The following ZFHX3 variants were observed in gnomAD, a reference collection of about 807,000 sequenced individuals.
ZFHX3 encodes the protein zinc finger homeobox 3.
ZFHX3 carries 42 observed loss-of-function variants against 279.1 expected under a neutral mutation model. The observed-to-expected ratio is 0.15, with a 90% confidence interval of 0.12 to 0.19. ZFHX3 has a LOEUF of 0.19. ZFHX3 is among the 10% of genes least tolerant of loss of function. The pLI is 1.00. For missense variants in ZFHX3, 4,981 were observed against 4,754.0 expected (o/e 1.05, Z -1.40); for synonymous variants, 2,293 against 1,957.8 (o/e 1.17, Z -4.52).
Position 72,928,218 on chromosome 16 carries a change from G to GAC in ZFHX3, c.3216+22250_3216+22251insGT, listed in dbSNP as rs541840316. ...GAGGGGAGCGAGGGGGAGCGAAGGG[G>GAC]AGCGAGGGGGAGCGAGAGAGGAAAG... is the stretch of plus-strand genomic sequence containing the variant. On this transcript the variant is annotated intron_variant, in intron 3 of 9. Coordinates refer to ENST00000268489, the MANE Select transcript of ZFHX3 (RefSeq NM_006885.4). 2.9e-4 allele frequency among the ~76,000 whole-genome samples: 18 copies of GAC among 62,572 alleles called. 2 individuals carry two copies. The East Asian group carries it at 3.6e-3, about 13-fold the overall frequency. The allele number at this position is 62,572 out of a possible 152,430, so 41.0% of individuals were successfully genotyped here. A position where few individuals can be genotyped will look rare whatever the true frequency, so the allele number is the denominator to read the frequency against.
chr16:73,701,288 GC>G (rs2053244139), intron 1 of ZFHX3, among the ~76,000 whole-genome samples: 1 of 152,160 alleles, frequency 6.6e-6, no homozygotes, highest in Admixed American at 6.5e-5. Flanking sequence ...AATTTCAGTA[GC>G]TTTTAAGCAA....
At chr16:73,546,261 A>G (rs566248798) in intron 2 of ZFHX3, among the ~76,000 whole-genome samples, 1 of 152,072 alleles carries the variant, frequency 6.6e-6, no homozygotes, top group Non-Finnish European at 1.5e-5. Flanking sequence ...ACAGAACCCA[A>G]ATCATTTTTC....
In ZFHX3 at chr16:73,720,064, G is replaced by C. The variant is rs180889011; in HGVS notation, c.-1607-39824C>G. On this transcript the variant is annotated intron_variant, in intron 1 of 17. Coordinates refer to the ZFHX3 transcript ENST00000641206. ...TCTCAACAAAATAAGGTTCACAAAGGAGAAATATAATGGACCAATAAGTAC... is the reference window on the plus strand; with the variant it reads ...TCTCAACAAAATAAGGTTCACAAAGCAGAAATATAATGGACCAATAAGTAC... Among the ~76,000 whole-genome samples, 43 of 152,292 alleles carry C rather than the reference G, an allele frequency of 2.8e-4. No homozygotes were observed. The East Asian group carries it at 8.3e-3, about 29-fold the overall frequency.
chr16:72,861,494 C>A (rs1031441020), intron 4 of ZFHX3, among the ~76,000 whole-genome samples: 1 of 152,132 alleles, frequency 6.6e-6, no homozygotes, highest in East Asian at 1.9e-4. Flanking sequence ...TTCATTACAC[C>A]AGTGAATCCT....
intron 1 of ZFHX3, among the ~76,000 whole-genome samples, chr16:73,818,769 A>C (rs1334935983): frequency 6.6e-6 from 1 of 152,198 alleles, no homozygotes; most frequent in African/African-American, 2.4e-5. Flanking sequence ...ATGTGTTTTC[A>C]AACTTAAATT....
chr16:73,140,256 GTC>G (rs1966843948), intron 6 of ZFHX3, among the ~76,000 whole-genome samples: 1 of 151,698 alleles, frequency 6.6e-6, no homozygotes, highest in East Asian at 1.9e-4. Context: ...GTGAAACCCT[GTC>G]TCAAAAAAAA....
chr16:72,932,671 A>G (rs1321389707), intron 3 of ZFHX3, among the ~76,000 whole-genome samples: 1 of 151,926 alleles, frequency 6.6e-6, no homozygotes. Context: ...AAAAAAAAAA[A>G]AAAATCCACT....
rs144541231 is a variant in ZFHX3, at chr16:73,629,606, A to C, written c.-1547+50574T>G. ...ATGGAGGCTGGGAAGGTAATGAAAG[A>C]CAAAAGCAAACCCAAATGCCATAAA... On this transcript the variant is annotated intron_variant, in intron 2 of 17. Coordinates refer to the ZFHX3 transcript ENST00000641206. Among the ~76,000 whole-genome samples, 100 of 152,240 alleles carry C rather than the reference A, an allele frequency of 6.6e-4. 2 individuals are homozygous for C. Among genetic ancestry groups the C allele is most frequent in the African/African-American group, 2.3e-3 (95 of 41,544 alleles).
intron 2 of ZFHX3, among the ~76,000 whole-genome samples, chr16:73,619,500 T>TATATATATATATATATATATATATA (rs34326004): frequency 1.3e-3 from 171 of 131,526 alleles, no homozygotes; most frequent in African/African-American, 4.8e-3. Context: ...AAAAAAAAAA[T>TATATATATATATATATATATATATA]TATATATATA....
chr16:73,748,813 G>C (rs1441672476), intron 1 of ZFHX3, among the ~76,000 whole-genome samples: 2 of 151,960 alleles, frequency 1.3e-5, no homozygotes, highest in Non-Finnish European at 2.9e-5. Flanking sequence ...TTGAGACAGA[G>C]TTTTGCTCTT....
At chr16:73,706,032 C>A (rs1032026879) in intron 1 of ZFHX3, among the ~76,000 whole-genome samples, 7 of 152,162 alleles carry the variant, frequency 4.6e-5, no homozygotes, top group African/African-American at 1.7e-4. Flanking sequence ...TGGCCGGACA[C>A]AGTGACTCAC....
chr16:73,360,458 C>T (rs897179605), intron 3 of ZFHX3, among the ~76,000 whole-genome samples: 2 of 152,230 alleles, frequency 1.3e-5, no homozygotes, highest in African/African-American at 2.4e-5. Context: ...CCTGCCTCAG[C>T]CTTCCGAGTA....
intron 4 of ZFHX3, among the ~76,000 whole-genome samples, chr16:73,315,732 C>T (rs184641102): frequency 7.2e-5 from 11 of 152,226 alleles, no homozygotes; most frequent in Middle Eastern, 3.4e-3. Flanking sequence ...GACTAGCAAA[C>T]GCAAAGTGCC....
chr16:73,124,822 G>A (rs951705851), intron 7 of ZFHX3, among the ~76,000 whole-genome samples: 3 of 152,210 alleles, frequency 2.0e-5, no homozygotes, highest in Non-Finnish European at 2.9e-5. Context: ...GGGGTCAAGA[G>A]GGTTGCTTAA....
rs141546307 is a variant in ZFHX3, at chr16:73,377,023, C to T, written c.-1290-58687G>A. ...GAGTCACTCTGTTGCCCAGTCTGGA[C>T]TGCAATGGCACCATCTTGGCTCACT... On this transcript the variant is annotated intron_variant, in intron 3 of 17. Transcript: ENST00000641206. 2.8e-3 allele frequency among the ~76,000 whole-genome samples: 409 copies of T among 146,556 alleles called. 3 individuals carry two copies. The highest frequency in any genetic ancestry group is 2.7e-3 in the Admixed American group (39 of 14,562).
intron 7 of ZFHX3, among the ~76,000 whole-genome samples, chr16:73,111,912 T>A (rs1372619501): frequency 6.6e-6 from 1 of 152,174 alleles, no homozygotes; most frequent in Non-Finnish European, 1.5e-5. Flanking sequence ...TTCGTGTAAG[T>A]TCTCAAGGAA....
chr16:73,191,005 C>A (rs80344156), intron 5 of ZFHX3, among the ~76,000 whole-genome samples: 4,120 of 151,940 alleles, frequency 0.027, 200 homozygotes, highest in African/African-American at 0.096. Context: ...GTTTGCTACC[C>A]CCTAAAAATG....
intron 1 of ZFHX3, among the ~76,000 whole-genome samples, chr16:73,026,632 T>C (rs1039147262): frequency 2.2e-5 from 3 of 136,142 alleles, no homozygotes; most frequent in Admixed American, 8.4e-5. Context: ...GATTGTGCCA[T>C]GCCATTGCAC....
chr16:73,196,933 G>T (rs886788486), intron 5 of ZFHX3, among the ~76,000 whole-genome samples: 8 of 152,170 alleles, frequency 5.3e-5, no homozygotes, highest in African/African-American at 1.9e-4. Context: ...ATGGAGCTGG[G>T]ACACTGGTAT....
Sources: allele counts gnomAD v4.1 joint callset (sites outside exome capture counted in the v4.1 genomes callset), GRCh38; gene constraint gnomAD v4.1.1; transcripts MANE v1.5; gene names NCBI Gene and HGNC (gene_info 2026-07-23, HGNC 2026-07-21).